Variants in DOP1B observed in about 807,000 individuals in gnomAD.
DOP1B encodes the protein DOP1 leucine zipper like protein B, also known as protein DOP1B.
Under a neutral mutation model 233.5 loss-of-function variants are expected in DOP1B, and 174 were observed. That is an observed-to-expected ratio of 0.75 (90% confidence interval 0.66 to 0.85). The LOEUF (loss-of-function observed/expected upper bound fraction) is 0.85, where lower values mean the gene tolerates loss of function less well. DOP1B is among the 40% of genes least tolerant of loss of function. DOP1B has a pLI of 0.00. For missense variants in DOP1B, 2,652 were observed against 2,846.6 expected (o/e 0.93, Z 1.56); for synonymous variants, 1,190 against 1,185.6 (o/e 1.00, Z -0.08).
At chr21:36,288,599 C>T (rs1292153449) in intron 33 of DOP1B, among the ~76,000 whole-genome samples, 157 bp from the exon 34 acceptor site, 1 of 152,064 alleles carries the variant, frequency 6.6e-6, no homozygotes, top group Non-Finnish European at 1.5e-5. Context: ...TGCAGTGAGC[C>T]ATGATTGTAC....
chr21:36,263,848 T>C (rs1395936393), intron 26 of DOP1B, 34 bp downstream of exon 26: 2 of 1,600,442 alleles, frequency 1.2e-6, no homozygotes, highest in African/African-American at 2.7e-5. Flanking sequence ...CCAAATGATA[T>C]TACCCCAGCA....
chr21:36,204,577 A>G (rs1205595003), intron 4 of DOP1B, among the ~76,000 whole-genome samples: 1 of 151,938 alleles, frequency 6.6e-6, no homozygotes. Flanking sequence ...TCAACCTCCA[A>G]GGATAAAACG....
At position 36,239,970 on chromosome 21, in the gene DOP1B, C is replaced by G; in HGVS notation, c.3067+15C>G. ...GAACTCGGCCGGTGAGCAGCCTGCA[C>G]AGGACCCGAGGGTGAGGGAGGAATG... On this transcript the variant is annotated intron_variant, in intron 18 of 36. Coordinates refer to ENST00000691173, the MANE Select transcript of DOP1B (RefSeq NM_001320714.2). 3 of 1,601,868 alleles carry G rather than the reference C, an allele frequency of 1.9e-6. No homozygotes were observed. The highest frequency in any genetic ancestry group is 2.6e-6 in the Non-Finnish European group (3 of 1,175,096).
rs1463056112 is a variant in DOP1B, at chr21:36,156,863, C to T, written c.-107C>T. The T allele has an allele frequency of 6.6e-6, 1 of 152,656 alleles. No homozygotes were observed. The highest frequency in any genetic ancestry group is 6.5e-5 in the Admixed American group (1 of 15,276). The allele number at this position is 152,656 out of a possible 1,614,324, so 9.5% of individuals were successfully genotyped here. Reference sequence around the variant, plus strand: ...TTCTGGCTCCCGGCCGCGCCGCAGCCCTGCCCAGTCTCTCTCCCCCAGCCC... The same window carrying T: ...TTCTGGCTCCCGGCCGCGCCGCAGCTCTGCCCAGTCTCTCTCCCCCAGCCC... On this transcript the variant is annotated 5_prime_UTR_variant, in exon 1 of 37. Transcript: ENST00000691173.
At chr21:36,231,681 T>G (rs1392777373) in intron 14 of DOP1B, among the ~76,000 whole-genome samples, 1 of 145,530 alleles carries the variant, frequency 6.9e-6, no homozygotes, top group Non-Finnish European at 1.5e-5. Flanking sequence ...GTTTTTTTGT[T>G]TTTTTTTTTT....
intron 15 of DOP1B, among the ~76,000 whole-genome samples, chr21:36,233,571 G>T (rs1004509305): frequency 8.5e-5 from 13 of 152,190 alleles, no homozygotes; most frequent in Non-Finnish European, 1.6e-4. Context: ...GAGATGATGA[G>T]CAGGTCATGG....
chr21:36,224,317 C>G (rs920212202), intron 11 of DOP1B, among the ~76,000 whole-genome samples: 1 of 151,978 alleles, frequency 6.6e-6, no homozygotes, highest in Non-Finnish European at 1.5e-5. Flanking sequence ...GTAACTGCGA[C>G]TACAGGTGCA....
chr21:36,261,300 G>A (rs1262816998), intron 24 of DOP1B: 2 of 977,452 alleles, frequency 2.0e-6, no homozygotes, highest in Non-Finnish European at 2.4e-6. Context: ...AGGAGGCGGA[G>A]GTTGCAGCGA....
chr21:36,219,342 T>A (rs2066597593), intron 9 of DOP1B, 30 bp from the exon 10 acceptor site: 2 of 1,613,688 alleles, frequency 1.2e-6, no homozygotes, highest in Non-Finnish European at 1.7e-6. Context: ...ATTGTTAATC[T>A]GTCTCTGACC....
chr21:36,264,752 C>T (rs146601624), intron 26 of DOP1B, among the ~76,000 whole-genome samples: 2,928 of 152,142 alleles, frequency 0.019, 43 homozygotes, highest in Middle Eastern at 0.034. Flanking sequence ...GGATTACAGA[C>T]GTGAGCTACC....
At chr21:36,208,289 C>T (rs2066451928) in intron 4 of DOP1B, among the ~76,000 whole-genome samples, 1 of 152,214 alleles carries the variant, frequency 6.6e-6, no homozygotes, top group Non-Finnish European at 1.5e-5. Context: ...TTTGATCAGT[C>T]TCCTCAGCAT....
chr21:36,186,253 C>T (rs1311273558), intron 2 of DOP1B, among the ~76,000 whole-genome samples: 1 of 151,886 alleles, frequency 6.6e-6, no homozygotes, highest in Non-Finnish European at 1.5e-5. Context: ...ATTCTTGAGT[C>T]ATCTTAACTA....
chr21:36,165,528 C>T (rs2065901868), intron 2 of DOP1B, among the ~76,000 whole-genome samples: 1 of 152,108 alleles, frequency 6.6e-6, no homozygotes, highest in Non-Finnish European at 1.5e-5. Context: ...CCCCAGGCCG[C>T]TGACCGGTAC....
intron 4 of DOP1B, among the ~76,000 whole-genome samples, chr21:36,203,874 C>CTTTTT (rs34151956): frequency 2.1e-5 from 3 of 141,060 alleles, no homozygotes; most frequent in Non-Finnish European, 1.6e-5. Context: ...GTCAGAAATC[C>CTTTTT]TTTTTTTTTT....
Position 36,231,662 on chromosome 21 carries a change from T to G in DOP1B, c.2350+528T>G, listed in dbSNP as rs1262533602. Reference sequence around the variant, plus strand: ...ATGATGCCTGTTGATAAAGTTTTTTTTGTGTTGGGTTTTTTTGTTTTTTTT... The same window carrying G: ...ATGATGCCTGTTGATAAAGTTTTTTGTGTGTTGGGTTTTTTTGTTTTTTTT... On this transcript the variant is annotated intron_variant, in intron 14 of 36. Coordinates refer to ENST00000691173, the MANE Select transcript of DOP1B (RefSeq NM_001320714.2). 2.0e-5 allele frequency among the ~76,000 whole-genome samples: 3 copies of G among 151,640 alleles called. No homozygotes were observed. In the East Asian group the frequency reaches 5.8e-4, roughly 29 times the overall value.
intron 18 of DOP1B, among the ~76,000 whole-genome samples, chr21:36,244,518 G>C (rs907281814): frequency 6.6e-6 from 1 of 152,006 alleles, no homozygotes; most frequent in Non-Finnish European, 1.5e-5. Flanking sequence ...TCTGCCTCCT[G>C]GGTTCAAATG....
intron 31 of DOP1B, 41 bp downstream of exon 31, chr21:36,280,387 G>T: frequency 7.0e-7 from 1 of 1,419,114 alleles, no homozygotes. Flanking sequence ...CACTTGATAG[G>T]ATCAATGCCA....
chr21:36,163,690 G>T (rs1487936540), intron 1 of DOP1B, among the ~76,000 whole-genome samples: 2 of 152,196 alleles, frequency 1.3e-5, no homozygotes, highest in Non-Finnish European at 2.9e-5. Context: ...TATCAATTAG[G>T]ATTGTGGTTG....
Position 36,247,644 on chromosome 21 carries a change from T to C in DOP1B, c.4809+16T>C, listed in dbSNP as rs2066983762. 4.5e-6 allele frequency: 7 copies of C among 1,567,522 alleles called. No homozygotes were observed. In the South Asian group the frequency reaches 5.9e-5, roughly 13 times the overall value. ...AAACAAAAAGGTAAATTTTTTTTTT[T>C]CCTGAGTTCAAGGCAATTTTCATGT... On this transcript the variant is annotated intron_variant, in intron 20 of 36. Transcript: ENST00000691173.
Sources: gnomAD v4.1 joint callset for allele counts (sites outside exome capture counted in the v4.1 genomes callset) on GRCh38, gnomAD v4.1.1 for gene constraint, MANE v1.5 for transcripts, NCBI Gene and HGNC (gene_info 2026-07-23, HGNC 2026-07-21) for gene names.